The following SARS2 variants were observed in gnomAD, a reference collection of about 807,000 sequenced individuals.
SARS2 encodes seryl-tRNA synthetase 2, mitochondrial.
Under a neutral mutation model 66.8 loss-of-function variants are expected in SARS2, and 52 were observed. That is an observed-to-expected ratio of 0.78 (90% confidence interval 0.62 to 0.98). The LOEUF (loss-of-function observed/expected upper bound fraction) is 0.98, where lower values mean the gene tolerates loss of function less well. Ranked by LOEUF, SARS2 falls within the 50% of genes least tolerant of loss-of-function variation. The pLI is 0.00. For synonymous variants in SARS2, 306 were observed against 281.4 expected (o/e 1.09, Z -0.87); for missense variants, 673 against 706.3 (o/e 0.95, Z 0.53).
rs1382362054 is a variant in SARS2 at position 38,921,464 on chromosome 19, G to T, written c.535-18C>A. 1.2e-6 allele frequency: 2 copies of T among 1,614,160 alleles called. No homozygotes were observed. The highest frequency in any genetic ancestry group is 1.7e-6 in the Non-Finnish European group (2 of 1,180,024). On this transcript the variant is annotated intron_variant, in intron 4 of 15. Coordinates refer to ENST00000221431, the MANE Select transcript of SARS2 (RefSeq NM_017827.4). ...CCGACGGGCTGCAGGGAGACAGCAG[G>T]AGTCACGGAAAGGTGGCACTAGGTG... is the stretch of plus-strand genomic sequence containing the variant.
intron 3 of SARS2, 149 bp from the exon 4 acceptor site, chr19:38,921,816 C>G (rs1419422055): frequency 3.0e-6 from 4 of 1,341,794 alleles, no homozygotes; most frequent in Non-Finnish European, 4.1e-6. Context: ...CAGAACTTCC[C>G]TTACCACCAC....
intron 3 of SARS2, chr19:38,922,014 A>C (rs574558482): frequency 6.4e-7 from 1 of 1,552,420 alleles, no homozygotes; most frequent in African/African-American, 1.4e-5. Flanking sequence ...AAGGAGAGAA[A>C]GCTGGCCTGG....
At chr19:38,928,437 AAAAC>A (rs1174343173) in intron 1 of SARS2, 8 of 147,464 alleles carry the variant, frequency 5.4e-5, no homozygotes, top group East Asian at 2.0e-4. Context: ...GCAAAAAAAA[AAAAC>A]AACAACTAGC....
intron 2 of SARS2, among the ~76,000 whole-genome samples, 182 bp from the exon 3 acceptor site, chr19:38,922,449 G>A (rs2144773417): frequency 6.6e-6 from 1 of 152,332 alleles, no homozygotes; most frequent in South Asian, 2.1e-4. Context: ...AAGGAGGCAA[G>A]ATAATTAACA....
chr19:38,924,935 C>T (rs972905718), intron 2 of SARS2, among the ~76,000 whole-genome samples: 5 of 152,118 alleles, frequency 3.3e-5, no homozygotes, highest in African/African-American at 7.2e-5. Flanking sequence ...TGGTGTGTAG[C>T]GACTTCTACA....
intron 9 of SARS2, 99 bp from the exon 10 acceptor site, chr19:38,918,238 T>G (rs1974454018): frequency 7.6e-7 from 1 of 1,324,214 alleles, no homozygotes; most frequent in Admixed American, 2.0e-5. Flanking sequence ...CAACCCCAGG[T>G]CAAGGCCCGG....
At chr19:38,925,975 C>A (rs1447522895) in intron 2 of SARS2, among the ~76,000 whole-genome samples, 1 of 152,128 alleles carries the variant, frequency 6.6e-6, no homozygotes, top group African/African-American at 2.4e-5. Flanking sequence ...CACCGCCATG[C>A]CGCCTAACTT....
In SARS2 at chr19:38,915,486, T is replaced by G; in HGVS notation, c.*120A>C. 8.0e-7 allele frequency: 1 copy of G among 1,249,924 alleles called. No homozygotes were observed. The highest frequency in any genetic ancestry group is 1.1e-6 in the Non-Finnish European group (1 of 886,164). The allele number at this position is 1,249,924 out of a possible 1,614,324, so 77.4% of individuals were successfully genotyped here. ...ACCCCGTGGTCCAGGGGCCCGGGCG[T>G]GGAGCTGACAGGAAGAACACAGATG... On this transcript the variant is annotated 3_prime_UTR_variant, in exon 16 of 16. Coordinates refer to ENST00000221431, the MANE Select transcript of SARS2 (RefSeq NM_017827.4).
At chr19:38,919,687 C>G in intron 7 of SARS2, 75 bp downstream of exon 7, 2 of 1,106,164 alleles carry the variant, frequency 1.8e-6, no homozygotes, top group Non-Finnish European at 1.4e-6. Flanking sequence ...AGAGATCACT[C>G]CCATCCCCGT....
chr19:38,916,586 G>C lies in SARS2; in HGVS notation c.1161-272C>G, dbSNP rs1255756494. ...GGAAGCACAAAAGAGGTTGATGGGA[G>C]GGGAAAAAGGCACGTGGCAGGGTCC... is the stretch of plus-strand genomic sequence containing the variant. On this transcript the variant is annotated intron_variant, in intron 12 of 15. Coordinates refer to ENST00000221431, the MANE Select transcript of SARS2 (RefSeq NM_017827.4). Among the ~76,000 whole-genome samples the C allele has an allele frequency of 5.3e-5, 5 of 95,168 alleles. No homozygotes were observed. The East Asian group carries it at 1.6e-3, about 30-fold the overall frequency. The allele number at this position is 95,168 out of a possible 152,430, so 62.4% of individuals were successfully genotyped here.
intron 7 of SARS2, among the ~76,000 whole-genome samples, chr19:38,919,313 C>G (rs531574026): frequency 1.1e-4 from 16 of 152,264 alleles, no homozygotes; most frequent in African/African-American, 3.4e-4. Flanking sequence ...CAGATTTGGC[C>G]ACACCCTCCC....
Position 38,915,425 on chromosome 19 carries a change from A to G in SARS2, c.*181T>C. 1.5e-6 allele frequency: 1 copy of G among 646,376 alleles called. No homozygotes were observed. Among genetic ancestry groups the G allele is most frequent in the East Asian group, 2.7e-5 (1 of 37,086 alleles). The allele number at this position is 646,376 out of a possible 1,614,324, so 40.0% of individuals were successfully genotyped here. ...ACCCTCAATGATAACAGGGTCAGTG[A>G]CTGACTCTGAGGCAGCAAGGACAGA... On this transcript the variant is annotated 3_prime_UTR_variant, in exon 16 of 16. Coordinates refer to ENST00000221431, the MANE Select transcript of SARS2 (RefSeq NM_017827.4).
Position 38,930,424 on chromosome 19 carries a change from C to A in SARS2, c.267+46G>T, listed in dbSNP as rs773909917. On this transcript the variant is annotated intron_variant, in intron 1 of 15. Coordinates refer to ENST00000221431, the MANE Select transcript of SARS2 (RefSeq NM_017827.4). ...GGGCATCTTGCAAACCCAATTCTTCCGTAAAGCAAACGTCTGCGCCCCCCG... is the reference window on the plus strand; with the variant it reads ...GGGCATCTTGCAAACCCAATTCTTCAGTAAAGCAAACGTCTGCGCCCCCCG... The A allele has an allele frequency of 3.9e-6, 6 of 1,553,216 alleles. No homozygotes were observed. In the Admixed American group the frequency reaches 9.6e-5, roughly 25 times the overall value.
chr19:38,916,022 C>G lies in SARS2; in HGVS notation c.1347+15G>C, dbSNP rs1233028957. 2 of 1,612,986 alleles carry G rather than the reference C, an allele frequency of 1.2e-6. No homozygotes were observed. Among genetic ancestry groups the G allele is most frequent in the Admixed American group, 3.3e-5 (2 of 59,978 alleles). On this transcript the variant is annotated intron_variant, in intron 14 of 15. Transcript: ENST00000221431. ...CGGGCGAGGGCACGCGGGCAGGAGGCTGTGCGGGCCTCACCGTGTGGGCAA... is the reference window on the plus strand; with the variant it reads ...CGGGCGAGGGCACGCGGGCAGGAGGGTGTGCGGGCCTCACCGTGTGGGCAA...
intron 5 of SARS2, among the ~76,000 whole-genome samples, chr19:38,921,040 G>C (rs1270453284): frequency 4.6e-5 from 6 of 130,530 alleles, no homozygotes; most frequent in African/African-American, 2.0e-4. Flanking sequence ...GACACACACA[G>C]ATACACAGAT....
intron 1 of SARS2, among the ~76,000 whole-genome samples, chr19:38,929,063 A>G (rs1182170939): frequency 6.6e-6 from 1 of 152,062 alleles, no homozygotes; most frequent in African/African-American, 2.4e-5. Context: ...CTAAAAATAC[A>G]AAAATTATGC....
Position 38,930,682 on chromosome 19 carries a change from G to A in SARS2, c.55C>T (p.Arg19Trp). The A allele has an allele frequency of 1.2e-6, 2 of 1,613,998 alleles. No individual in the cohort carries two copies. The highest frequency in any genetic ancestry group is 1.7e-6 in the Non-Finnish European group (2 of 1,180,028). The change falls in exon 1 of 16, where the codon CGG (arginine) becomes TGG (tryptophan). Residue 19 changes from arginine (R) to tryptophan (W), a missense_variant. Arg to Trp is a moderately radical substitution (Grantham distance 101, BLOSUM62 -3). Transcript: ENST00000221431. ...LWPLLTRRGF[R>W]PRGGCISNDS... is the part of the protein sequence containing the mutation. ...TTGGAGATGCAGCCTCCCCGGGGCC[G>A]GAACCCCCGACGAGTCAGCAAAGGC... is the stretch of plus-strand genomic sequence containing the variant.
intron 1 of SARS2, 43 bp from the exon 2 acceptor site, chr19:38,926,343 C>T (rs769600852): frequency 7.0e-6 from 11 of 1,575,584 alleles, no homozygotes; most frequent in Middle Eastern, 1.7e-4. Flanking sequence ...CAGCCATCAC[C>T]CCTACCCTTC....
In SARS2 at chr19:38,916,096, T is replaced by C. The variant is rs758499020; in HGVS notation, c.1288A>G (p.Ser430Gly). 1 of 1,613,872 alleles carries C rather than the reference T, an allele frequency of 6.2e-7. No individual in the cohort carries two copies. The highest frequency in any genetic ancestry group is 1.7e-5 in the Admixed American group (1 of 60,022). ...TGGAACATGATGTGGAGGCGGCGGC[T>C]CTGGAAGTCTGTGCAGTTGGAAGCA... ...TSASNCTDFQ[S>G]RRLHIMFQTE... The change falls in exon 14 of 16, where the codon AGC (serine) becomes GGC (glycine). Residue 430 changes from serine (S) to glycine (G), a missense_variant. Ser to Gly is a moderately conservative substitution (Grantham distance 56, BLOSUM62 0). Coordinates refer to ENST00000221431, the MANE Select transcript of SARS2 (RefSeq NM_017827.4).
Sources: gnomAD v4.1 joint callset for allele counts (sites outside exome capture counted in the v4.1 genomes callset) on GRCh38, gnomAD v4.1.1 for gene constraint, MANE v1.5 for transcripts, NCBI Gene and HGNC (gene_info 2026-07-23, HGNC 2026-07-21) for gene names.